ZNF83: variants seen among roughly 807,000 people sequenced by gnomAD.
ZNF83 encodes zinc finger protein 83.
For synonymous variants in ZNF83, 209 were observed against 213.0 expected, an observed-to-expected ratio of 0.98 and a Z score of 0.17; for missense variants, 552 against 629.9, an observed-to-expected ratio of 0.88 and a Z score of 1.32.
chr19:52,688,716 C>G (rs1373688101), intron 1 of ZNF83, among the ~76,000 whole-genome samples: 4 of 152,044 alleles, frequency 2.6e-5, no homozygotes, highest in Non-Finnish European at 5.9e-5. Context: ...CATCCTCTAT[C>G]TCTATATGGA....
At chr19:52,671,869 T>C (rs1350631895) in intron 1 of ZNF83, among the ~76,000 whole-genome samples, 1 of 152,226 alleles carries the variant, frequency 6.6e-6, no homozygotes, top group East Asian at 1.9e-4. Flanking sequence ...AGAAAGATCA[T>C]GAAATATTAC....
rs34309553 is a variant in ZNF83, at chr19:52,618,712, A to T, written c.-233-3915T>A. On this transcript the variant is annotated intron_variant, in intron 2 of 2. Transcript: ENST00000301096. ...ACGCCTTGCCAGCCATAAGGTTTTA[A>T]GCCTTCTTTACTTCTGGAACCCCCA... 925 of 849,884 alleles carry T rather than the reference A, an allele frequency of 1.1e-3. 2 individuals are homozygous for T. The highest frequency in any genetic ancestry group is 5.1e-3 in the African/African-American group (298 of 58,370). 52.6% of individuals were successfully genotyped at this position (849,884 alleles called of 1,614,324 possible).
chr19:52,687,352 GCT>G (rs2062034086), intron 1 of ZNF83, among the ~76,000 whole-genome samples: 1 of 100,714 alleles, frequency 9.9e-6, no homozygotes, highest in Non-Finnish European at 1.8e-5. Context: ...AATTTATATA[GCT>G]ATATAAATTA....
At chr19:52,687,212 A>G (rs1045153444) in intron 1 of ZNF83, among the ~76,000 whole-genome samples, 2 of 147,368 alleles carry the variant, frequency 1.4e-5, no homozygotes, top group Non-Finnish European at 3.0e-5. Context: ...TATGTAGGCC[A>G]GGCGCAGTGC....
chr19:52,644,115 C>T (rs573238564), intron 3 of ZNF83, among the ~76,000 whole-genome samples: 3 of 148,556 alleles, frequency 2.0e-5, no homozygotes, highest in East Asian at 1.9e-4. Context: ...GATGTCCTCA[C>T]ACAGAGAAAG....
At chr19:52,622,143 C>G (rs1000310200) in intron 2 of ZNF83, among the ~76,000 whole-genome samples, 1 of 152,086 alleles carries the variant, frequency 6.6e-6, no homozygotes, top group Non-Finnish European at 1.5e-5. Flanking sequence ...CTCCCCTCCC[C>G]ACACCCAGTT....
intron 2 of ZNF83, among the ~76,000 whole-genome samples, chr19:52,626,827 A>C (rs1044337158): frequency 6.6e-6 from 1 of 151,990 alleles, no homozygotes; most frequent in Non-Finnish European, 1.5e-5. Context: ...CCACCCCCAA[A>C]AATTTTTGCC....
chr19:52,615,121 A>AGAAGGAAAACATATGGCTGTCTAATAGTT (rs1190984115), intron 2 of ZNF83, among the ~76,000 whole-genome samples: 24 of 152,224 alleles, frequency 1.6e-4, no homozygotes, highest in Non-Finnish European at 3.5e-4. Context: ...ATACTGCAAT[A>AGAAGGAAAACATATGGCTGTCTAATAGTT]GAAGGAAAAC....
At chr19:52,635,033 A>G (rs1268571093) in intron 2 of ZNF83, 33 bp downstream of exon 2, 10 of 738,370 alleles carry the variant, frequency 1.4e-5, no homozygotes, top group Non-Finnish European at 2.2e-5. Flanking sequence ...GAAAGGAAAG[A>G]GACAGAACAA....
At chr19:52,618,925 G>C (rs1361416655) in intron 2 of ZNF83, 1 of 1,548,682 alleles carries the variant, frequency 6.5e-7, no homozygotes, top group Non-Finnish European at 8.8e-7. Flanking sequence ...CTGGAGGGAA[G>C]TTATCCTCAC....
At chr19:52,674,693 C>G (rs189332836) in intron 1 of ZNF83, among the ~76,000 whole-genome samples, 1,454 of 140,484 alleles carry the variant, frequency 0.01, 13 homozygotes, top group Non-Finnish European at 0.015. Flanking sequence ...CTAAGATATA[C>G]TTAGGAATAA....
chr19:52,655,450 A>T (rs371655207), intron 3 of ZNF83: 4 of 1,000,870 alleles, frequency 4.0e-6, no homozygotes, highest in Non-Finnish European at 6.0e-6. Flanking sequence ...AAACAATGAC[A>T]TGTACATCAA....
intron 3 of ZNF83, among the ~76,000 whole-genome samples, chr19:52,645,979 ACCC>A (rs2061368217): frequency 6.6e-6 from 1 of 151,966 alleles, no homozygotes; most frequent in African/African-American, 2.4e-5. Flanking sequence ...TTGCTCTGCC[ACCC>A]AGGCTGCAGG....
intron 2 of ZNF83, among the ~76,000 whole-genome samples, chr19:52,632,926 C>T (rs549104900): frequency 2.4e-3 from 372 of 152,262 alleles, no homozygotes; most frequent in Non-Finnish European, 4.1e-3. Flanking sequence ...TAATCCCGCT[C>T]GAAGCAGCCC....
upstream of ZNF83, among the ~76,000 whole-genome samples, chr19:52,642,472 C>T (rs760635224): frequency 2.6e-5 from 4 of 151,598 alleles, no homozygotes; most frequent in South Asian, 2.1e-4. Flanking sequence ...ATCTCCATGT[C>T]GGTCAGGCTG....
chr19:52,649,239 A>T (rs1415924505), intron 3 of ZNF83, among the ~76,000 whole-genome samples: 2 of 152,118 alleles, frequency 1.3e-5, no homozygotes, highest in Admixed American at 1.3e-4. Context: ...GAAATCCCCC[A>T]CGTGAGTTTG....
intron 1 of ZNF83, among the ~76,000 whole-genome samples, chr19:52,682,674 CAAGAAAAAGAAAAAGAAAAAGAAA>C (rs146917472): frequency 0.3 from 44,929 of 149,910 alleles, 8,009 homozygotes; most frequent in South Asian, 0.41. Flanking sequence ...TCTCAAAAAA[CAAGAAAAAGAAAAAGAAAAAGAAA>C]AAGAAAAAGA....
chr19:52,643,668 T>A (rs939425633), intron 3 of ZNF83, among the ~76,000 whole-genome samples: 1 of 151,248 alleles, frequency 6.6e-6, no homozygotes, highest in Non-Finnish European at 1.5e-5. Context: ...GCCATTGCAC[T>A]CCAGCCTGGG....
upstream of ZNF83, among the ~76,000 whole-genome samples, chr19:52,639,415 A>ATTTTTTTTTTTTTTT (rs1160711365): frequency 2.2e-4 from 19 of 86,294 alleles, no homozygotes; most frequent in East Asian, 1.1e-3. Flanking sequence ...AGTTTTTTCT[A>ATTTTTTTTTTTTTTT]TTTTTTTTTT....
Sources: gnomAD v4.1 joint callset for allele counts (sites outside exome capture counted in the v4.1 genomes callset) on GRCh38, gnomAD v4.1.1 for gene constraint, MANE v1.5 for transcripts, NCBI Gene and HGNC (gene_info 2026-07-23, HGNC 2026-07-21) for gene names.